The following SH3RF1 variants were observed in gnomAD, a reference collection of about 807,000 sequenced individuals.
SH3RF1 encodes the protein SH3 domain containing ring finger 1, also known as E3 ubiquitin-protein ligase SH3RF1.
A neutral mutation model predicts 74.0 loss-of-function variants in SH3RF1; 32 were observed. That is an observed-to-expected ratio of 0.43 (90% confidence interval 0.33 to 0.58). The LOEUF is 0.58. Among genes scored for constraint, SH3RF1 ranks in the 20% least tolerant of loss-of-function variants. The pLI is 0.05. For missense variants in SH3RF1, 954 were observed against 1,130.9 expected, an observed-to-expected ratio of 0.84 and a Z score of 2.24; for synonymous variants, 396 against 439.6, an observed-to-expected ratio of 0.90 and a Z score of 1.24.
At chr4:169,114,659 T>C (rs1292060938) in intron 10 of SH3RF1, among the ~76,000 whole-genome samples, 5 of 152,158 alleles carry the variant, frequency 3.3e-5, no homozygotes, top group East Asian at 3.8e-4. Context: ...ATCTAAACCA[T>C]AAAAATAATT....
At chr4:169,163,082 G>A (rs1033194831) in intron 2 of SH3RF1, among the ~76,000 whole-genome samples, 4 of 142,076 alleles carry the variant, frequency 2.8e-5, no homozygotes, top group Non-Finnish European at 6.2e-5. Context: ...TAATGGTTTC[G>A]GGGGCAAGGT....
At chr4:169,252,528 T>C (rs1383995811) in intron 2 of SH3RF1, among the ~76,000 whole-genome samples, 1 of 152,240 alleles carries the variant, frequency 6.6e-6, no homozygotes, top group Non-Finnish European at 1.5e-5. Context: ...GGCACCTGGG[T>C]GCCAATAATT....
intron 4 of SH3RF1, among the ~76,000 whole-genome samples, chr4:169,149,312 A>T (rs1733940965): frequency 6.6e-6 from 1 of 152,154 alleles, no homozygotes; most frequent in Non-Finnish European, 1.5e-5. Flanking sequence ...CTCAGAGGAG[A>T]CCTGCTTTTG....
intron 2 of SH3RF1, among the ~76,000 whole-genome samples, chr4:169,263,964 A>G (rs1731315979): frequency 6.6e-6 from 1 of 152,200 alleles, no homozygotes; most frequent in Non-Finnish European, 1.5e-5. Flanking sequence ...ACAACTTCTC[A>G]AAGGTATTCC....
At chr4:169,147,108 T>C (rs941497874) in intron 4 of SH3RF1, among the ~76,000 whole-genome samples, 13 of 152,212 alleles carry the variant, frequency 8.5e-5, no homozygotes, top group Non-Finnish European at 1.8e-4. Flanking sequence ...TTTAAATTGG[T>C]CTCAGTTCAC....
intron 11 of SH3RF1, among the ~76,000 whole-genome samples, chr4:169,104,019 T>A (rs1438122864): frequency 6.6e-6 from 1 of 152,186 alleles, no homozygotes; most frequent in Admixed American, 6.6e-5. Context: ...GAGCTAGCAA[T>A]TCCTTCTTTT....
chr4:169,189,313 T>A (rs1256986071), intron 2 of SH3RF1, among the ~76,000 whole-genome samples: 1 of 152,264 alleles, frequency 6.6e-6, no homozygotes, highest in African/African-American at 2.4e-5. Context: ...TTGCTGTTAT[T>A]TTAGTCCCAT....
chr4:169,238,659 C>A (rs903067626), intron 2 of SH3RF1, among the ~76,000 whole-genome samples: 2 of 152,184 alleles, frequency 1.3e-5, no homozygotes, highest in Non-Finnish European at 2.9e-5. Context: ...CTGGCACATA[C>A]CAGCCAACTG....
intron 2 of SH3RF1, among the ~76,000 whole-genome samples, chr4:169,254,754 A>G (rs1468844444): frequency 6.6e-6 from 1 of 152,240 alleles, no homozygotes; most frequent in Non-Finnish European, 1.5e-5. Flanking sequence ...AGCCCCATTC[A>G]GAACTTTATC....
chr4:169,163,471 A>G (rs1219993938), intron 2 of SH3RF1, among the ~76,000 whole-genome samples: 1 of 152,188 alleles, frequency 6.6e-6, no homozygotes, highest in Non-Finnish European at 1.5e-5. Flanking sequence ...ATTGCTTAGT[A>G]AATACCTATA....
At chr4:169,188,323 A>G (rs1734644322) in intron 2 of SH3RF1, among the ~76,000 whole-genome samples, 3 of 152,230 alleles carry the variant, frequency 2.0e-5, no homozygotes, top group African/African-American at 7.2e-5. Flanking sequence ...AAAGATACAT[A>G]GTACTAGTGC....
chr4:169,220,351 T>C (rs75912282), intron 2 of SH3RF1: 1 of 152,368 alleles, frequency 6.6e-6, no homozygotes, highest in East Asian at 1.9e-4. Context: ...TTTAAATACA[T>C]GTTCCTTCGC....
At chr4:169,225,769 G>A (rs1398928369) in intron 2 of SH3RF1, among the ~76,000 whole-genome samples, 1 of 152,194 alleles carries the variant, frequency 6.6e-6, no homozygotes, top group African/African-American at 2.4e-5. Context: ...TTGGGTGAGT[G>A]TGTGTGTCTT....
At chr4:169,105,371 C>T (rs1733116183) in intron 11 of SH3RF1, among the ~76,000 whole-genome samples, 1 of 152,132 alleles carries the variant, frequency 6.6e-6, no homozygotes, top group Admixed American at 6.5e-5. Flanking sequence ...TTTAAATAAT[C>T]CTGGTAGCTA....
Position 169,096,386 on chromosome 4 carries a change from C to T in SH3RF1, c.*133G>A. 7 of 892,142 alleles carry T rather than the reference C, an allele frequency of 7.8e-6. No individual in the cohort carries two copies. The highest frequency in any genetic ancestry group is 5.1e-5 in the Admixed American group (2 of 39,574). 55.3% of individuals were successfully genotyped at this position (892,142 alleles called of 1,614,324 possible). ...GCTCGCTGGGGTAACTGTGCTGGGG[C>T]ATCAGAGTCACATACCAATCCTTTG... On this transcript the variant is annotated 3_prime_UTR_variant, in exon 12 of 12. Transcript: ENST00000284637.
rs145203029 is a variant in SH3RF1 at position 169,184,147 on chromosome 4, G to A, written c.394-27468C>T. ...TACCAGACCTCAGGGCACTCCCACC[G>A]GCAGGCTTACTGTGAACCGACATCC... On this transcript the variant is annotated intron_variant, in intron 2 of 11. Transcript: ENST00000284637. Among the ~76,000 whole-genome samples the A allele has an allele frequency of 4.6e-5, 7 of 152,290 alleles. No homozygotes were observed. The East Asian group carries it at 5.8e-4, about 13-fold the overall frequency.
At chr4:169,231,824 A>C (rs192503039) in intron 2 of SH3RF1, among the ~76,000 whole-genome samples, 2 of 152,194 alleles carry the variant, frequency 1.3e-5, no homozygotes, top group Non-Finnish European at 2.9e-5. Flanking sequence ...AATACCTACT[A>C]CATGTCAGGT....
At chr4:169,119,517 A>AT (rs1230664953) in intron 8 of SH3RF1, among the ~76,000 whole-genome samples, 5 of 151,672 alleles carry the variant, frequency 3.3e-5, no homozygotes, top group Admixed American at 2.0e-4. Context: ...CATTAACTTT[A>AT]TTTTTTTGTT....
At chr4:169,267,534 AAAGAAAACCT>A (rs1230787279) in intron 2 of SH3RF1, among the ~76,000 whole-genome samples, 1 of 152,246 alleles carries the variant, frequency 6.6e-6, no homozygotes, top group Non-Finnish European at 1.5e-5. Context: ...CAAATAAGGA[AAAGAAAACCT>A]CCCTATCCCA....
Sources: gnomAD v4.1 joint callset for allele counts (sites outside exome capture counted in the v4.1 genomes callset) on GRCh38, gnomAD v4.1.1 for gene constraint, MANE v1.5 for transcripts, NCBI Gene and HGNC (gene_info 2026-07-23, HGNC 2026-07-21) for gene names.